Variants in SRGAP1 observed in about 807,000 individuals in gnomAD.
SRGAP1 encodes the protein SLIT-ROBO Rho GTPase activating protein 1, also known as SLIT-ROBO Rho GTPase-activating protein 1.
SRGAP1 carries 43 observed loss-of-function variants against 121.9 expected under a neutral mutation model. The ratio of observed to expected loss-of-function variants is 0.35; its 90% CI spans 0.28 to 0.46. SRGAP1 has a LOEUF of 0.46. Among genes scored for constraint, SRGAP1 ranks in the 20% least tolerant of loss-of-function variants. SRGAP1 has a pLI of 1.00. For synonymous variants in SRGAP1, 447 were observed against 485.4 expected, an observed-to-expected ratio of 0.92 and a Z score of 1.04; for missense variants, 1,102 against 1,350.9, an observed-to-expected ratio of 0.82 and a Z score of 2.89.
chr12:63,985,259 A>C (rs1565982632), intron 2 of SRGAP1, among the ~76,000 whole-genome samples: 1 of 152,192 alleles, frequency 6.6e-6, no homozygotes, highest in Non-Finnish European at 1.5e-5. Flanking sequence ...GGGAAACATC[A>C]TGGGCAAGGG....
chr12:63,863,326 G>A (rs1285700782), intron 1 of SRGAP1, among the ~76,000 whole-genome samples: 2 of 148,634 alleles, frequency 1.3e-5, no homozygotes, highest in African/African-American at 5.0e-5. Flanking sequence ...AGGCTGGAGT[G>A]CAGTGGCATG....
intron 17 of SRGAP1, among the ~76,000 whole-genome samples, chr12:64,113,092 C>G (rs1252917239): frequency 6.6e-6 from 1 of 150,606 alleles, no homozygotes; most frequent in Non-Finnish European, 1.5e-5. Context: ...AGCAACAAAA[C>G]AAGACCCTGT....
At chr12:64,116,991 C>CT (rs1369726869) in intron 18 of SRGAP1, among the ~76,000 whole-genome samples, 1 of 152,148 alleles carries the variant, frequency 6.6e-6, no homozygotes, top group South Asian at 2.1e-4. Context: ...TTTCAGCAGG[C>CT]TCTGGGGCAT....
intron 1 of SRGAP1, among the ~76,000 whole-genome samples, chr12:63,930,792 C>T (rs183797790): frequency 6.6e-6 from 1 of 152,078 alleles, no homozygotes; most frequent in East Asian, 1.9e-4. Flanking sequence ...ATGAAAAAGC[C>T]GCATATGGCA....
At chr12:63,970,681 T>C (rs1406403037) in intron 1 of SRGAP1, among the ~76,000 whole-genome samples, 2 of 152,176 alleles carry the variant, frequency 1.3e-5, no homozygotes, top group African/African-American at 2.4e-5. Context: ...GATTGCATTA[T>C]GGTACTCACA....
intron 6 of SRGAP1, among the ~76,000 whole-genome samples, chr12:64,047,411 AT>A (rs1339776825): frequency 6.6e-6 from 1 of 152,188 alleles, no homozygotes; most frequent in East Asian, 1.9e-4. Flanking sequence ...GGTATCTAGA[AT>A]TCTTCATGCT....
chr12:63,914,195 T>C (rs2030678946), intron 1 of SRGAP1, among the ~76,000 whole-genome samples: 1 of 152,228 alleles, frequency 6.6e-6, no homozygotes, highest in Non-Finnish European at 1.5e-5. Context: ...ATTATCATAC[T>C]GTAATTAACG....
intron 1 of SRGAP1, among the ~76,000 whole-genome samples, chr12:63,849,457 A>T (rs1040444020): frequency 6.6e-6 from 1 of 152,232 alleles, no homozygotes; most frequent in African/African-American, 2.4e-5. Context: ...ATTGACAGTT[A>T]TTATTTGTAG....
intron 16 of SRGAP1, among the ~76,000 whole-genome samples, chr12:64,109,592 T>C (rs2036399615): frequency 6.6e-6 from 1 of 152,214 alleles, no homozygotes; most frequent in Non-Finnish European, 1.5e-5. Flanking sequence ...TTTATTCTTT[T>C]AATTTCAGCA....
At chr12:63,858,494 T>C (rs549933807) in intron 1 of SRGAP1, among the ~76,000 whole-genome samples, 1 of 152,156 alleles carries the variant, frequency 6.6e-6, no homozygotes, top group South Asian at 2.1e-4. Context: ...GAATCTGTTA[T>C]ACTAGCCTCA....
At chr12:63,970,183 G>A (rs2032902736) in intron 1 of SRGAP1, among the ~76,000 whole-genome samples, 1 of 152,160 alleles carries the variant, frequency 6.6e-6, no homozygotes, top group Admixed American at 6.5e-5. Flanking sequence ...AAGCTGGGGA[G>A]GAGAGTTTAA....
chr12:64,080,482 C>G, intron 10 of SRGAP1, 112 bp downstream of exon 10: 2 of 945,728 alleles, frequency 2.1e-6, no homozygotes, highest in Non-Finnish European at 3.4e-6. Flanking sequence ...AGAGGACACT[C>G]TGTGTTTAGA....
chr12:64,071,200 C>T (rs1050243594), intron 8 of SRGAP1, among the ~76,000 whole-genome samples: 2 of 152,138 alleles, frequency 1.3e-5, no homozygotes, highest in African/African-American at 4.8e-5. Context: ...CTTTAACTCA[C>T]TGAAGGGAGG....
At chr12:63,880,537 C>T (rs904909691) in intron 1 of SRGAP1, among the ~76,000 whole-genome samples, 1 of 152,114 alleles carries the variant, frequency 6.6e-6, no homozygotes, top group Non-Finnish European at 1.5e-5. Context: ...CCCAGCCAAA[C>T]CTCTTTTTCT....
intron 1 of SRGAP1, among the ~76,000 whole-genome samples, chr12:63,916,054 A>C (rs1038731955): frequency 9.3e-5 from 10 of 107,418 alleles, no homozygotes; most frequent in African/African-American, 3.5e-4. Flanking sequence ...TTTTTTTGAG[A>C]TGGGGTCTCA....
chr12:64,061,112 T>C (rs2035442976), intron 6 of SRGAP1, among the ~76,000 whole-genome samples: 1 of 152,188 alleles, frequency 6.6e-6, no homozygotes, highest in African/African-American at 2.4e-5. Flanking sequence ...TCCAGTATTA[T>C]GCTTTTTTTC....
chr12:63,891,798 C>T lies in SRGAP1; in HGVS notation c.67+46915C>T, dbSNP rs546900189. 4.6e-5 allele frequency among the ~76,000 whole-genome samples: 7 copies of T among 151,810 alleles called. No homozygotes were observed. In the South Asian group the frequency reaches 1.5e-3, roughly 32 times the overall value. On this transcript the variant is annotated intron_variant, in intron 1 of 21. Transcript: ENST00000355086. ...GGCCAGGAGTTCGAGACCAGCCTGGCCAACATAGTAAAACCCCATCTCTAC... is the reference window on the plus strand; with the variant it reads ...GGCCAGGAGTTCGAGACCAGCCTGGTCAACATAGTAAAACCCCATCTCTAC...
intron 1 of SRGAP1, among the ~76,000 whole-genome samples, chr12:63,862,552 A>G (rs1485133235): frequency 1.3e-5 from 2 of 152,226 alleles, no homozygotes; most frequent in African/African-American, 4.8e-5. Context: ...CAACTAAGAT[A>G]GAACAAAGGT....
intron 1 of SRGAP1, among the ~76,000 whole-genome samples, chr12:63,845,668 T>A (rs1389542179): frequency 6.6e-6 from 1 of 152,232 alleles, no homozygotes; most frequent in African/African-American, 2.4e-5. Flanking sequence ...ATTAAAAATA[T>A]ATATATTTTC....
Sources: allele counts gnomAD v4.1 joint callset (sites outside exome capture counted in the v4.1 genomes callset), GRCh38; gene constraint gnomAD v4.1.1; transcripts MANE v1.5; gene names NCBI Gene and HGNC (gene_info 2026-07-23, HGNC 2026-07-21).